Variants in SNRPA observed in about 807,000 individuals in gnomAD.
The protein encoded by SNRPA is small nuclear ribonucleoprotein polypeptide A.
In SNRPA, 10 loss-of-function variants were observed where a neutral mutation model predicts 24.5. The ratio of observed to expected loss-of-function variants is 0.41; its 90% confidence interval spans 0.25 to 0.69. The LOEUF (loss-of-function observed/expected upper bound fraction) is 0.69, where lower values mean the gene tolerates loss of function less well. SNRPA is among the 30% of genes least tolerant of loss of function. The probability of loss-of-function intolerance (pLI) is 0.33; values close to 1 mark genes in which losing one functional copy is unlikely to be tolerated. For synonymous variants in SNRPA, 165 were observed against 148.4 expected (o/e 1.11, Z -0.81); for missense variants, 283 against 394.7 (o/e 0.72, Z 2.40).
chr19:40,764,589 G>T (rs1211797022), intron 5 of SNRPA, among the ~76,000 whole-genome samples: 1 of 152,184 alleles, frequency 6.6e-6, no homozygotes, highest in Non-Finnish European at 1.5e-5. Flanking sequence ...TATGTTGGGA[G>T]GCTGAGGCAG....
intron 2 of SNRPA, among the ~76,000 whole-genome samples, chr19:40,759,204 CAAA>C (rs77152560): frequency 3.2e-5 from 3 of 93,178 alleles, no homozygotes; most frequent in Non-Finnish European, 4.3e-5. Context: ...GACAATGTCT[CAAA>C]AAAAAAAAAA....
chr19:40,759,253 T>C (rs2082921150), intron 2 of SNRPA, among the ~76,000 whole-genome samples, 178 bp from the exon 3 acceptor site: 1 of 151,128 alleles, frequency 6.6e-6, no homozygotes, highest in Non-Finnish European at 1.5e-5. Flanking sequence ...TTTTGCCATG[T>C]TGGCCAAGCT....
chr19:40,758,169 G>A (rs1003536802), intron 2 of SNRPA, among the ~76,000 whole-genome samples: 5 of 151,692 alleles, frequency 3.3e-5, no homozygotes, highest in Admixed American at 6.6e-5. Flanking sequence ...GTTTCGCCAT[G>A]TTGCCCAGGC....
chr19:40,753,703 T>C (rs1438442912), intron 1 of SNRPA, among the ~76,000 whole-genome samples: 1 of 151,732 alleles, frequency 6.6e-6, no homozygotes, highest in Non-Finnish European at 1.5e-5. Context: ...GGCCTGCATA[T>C]GTTTTTAGAG....
Position 40,765,340 on chromosome 19 carries a change from C to T in SNRPA, c.*173C>T, listed in dbSNP as rs913682783. ...GTCTGTCCCCAGACATTGCACCTGG[C>T]GCTGTTAGGCCGGAATTAAAGTGGC... On this transcript the variant is annotated 3_prime_UTR_variant, in exon 6 of 6. Coordinates refer to ENST00000243563, the MANE Select transcript of SNRPA (RefSeq NM_004596.5). 34 of 393,316 alleles carry T rather than the reference C, an allele frequency of 8.6e-5. No individual in the cohort carries two copies. Among genetic ancestry groups the T allele is most frequent in the East Asian group, 6.3e-4 (17 of 26,904 alleles). 24.4% of individuals were successfully genotyped at this position (393,316 alleles called of 1,614,324 possible). A position where few individuals can be genotyped will look rare whatever the true frequency, so the allele number is the denominator to read the frequency against.
rs559147775 is a variant in SNRPA at position 40,754,927 on chromosome 19, G to C, written c.74-2405G>C. Among the ~76,000 whole-genome samples, 48 of 152,204 alleles carry C rather than the reference G, an allele frequency of 3.2e-4. No individual in the cohort carries two copies. The South Asian group carries it at 1.0e-2, about 32-fold the overall frequency. The stretch of plus-strand genomic sequence containing the variant: ...AGCAAGATTCATGGGGATGGAGTAC[G>C]GAGAGGAAAACCAGAAATGTCACCA... On this transcript the variant is annotated intron_variant, in intron 1 of 5. Coordinates refer to ENST00000243563, the MANE Select transcript of SNRPA (RefSeq NM_004596.5).
chr19:40,757,228 C>G, intron 1 of SNRPA, 104 bp from the exon 2 acceptor site: 1 of 1,091,670 alleles, frequency 9.2e-7, no homozygotes, highest in Non-Finnish European at 1.3e-6. Context: ...AGATTATGGA[C>G]CCGAGGCATT....
In SNRPA at chr19:40,765,330, T is replaced by C. The variant is rs1251933720; in HGVS notation, c.*163T>C. 1 of 409,602 alleles carries C rather than the reference T, an allele frequency of 2.4e-6. No individual in the cohort carries two copies. The highest frequency in any genetic ancestry group is 3.6e-5 in the East Asian group (1 of 27,408). The allele number at this position is 409,602 out of a possible 1,614,324, so 25.4% of individuals were successfully genotyped here. A position where few individuals can be genotyped will look rare whatever the true frequency, so the allele number is the denominator to read the frequency against. ...TGTACCCAGAGTCTGTCCCCAGACA[T>C]TGCACCTGGCGCTGTTAGGCCGGAA... On this transcript the variant is annotated 3_prime_UTR_variant, in exon 6 of 6. Transcript: ENST00000243563.
chr19:40,760,974 C>T lies in SNRPA; in HGVS notation c.426+1364C>T, dbSNP rs867138309. 6.0e-5 allele frequency among the ~76,000 whole-genome samples: 9 copies of T among 151,032 alleles called. No individual in the cohort carries two copies. In the South Asian group the frequency reaches 6.3e-4, roughly 11 times the overall value. On this transcript the variant is annotated intron_variant, in intron 3 of 5. Coordinates refer to ENST00000243563, the MANE Select transcript of SNRPA (RefSeq NM_004596.5). ...TGTTTTGTTTTCTTTTGTTTTTTTTCGGGAGGGAGTCTCAGTCAATCTGTC... is the reference window on the plus strand; with the variant it reads ...TGTTTTGTTTTCTTTTGTTTTTTTTTGGGAGGGAGTCTCAGTCAATCTGTC...
rs745592313 is a variant in SNRPA, at chr19:40,757,508, A to G, written c.246+4A>G. On this transcript the variant is annotated splice_donor_region_variant and intron_variant, in intron 2 of 5. Transcript: ENST00000243563. ...CCCTTTCTATGACAAACCTATGGTG[A>G]GCATTGCGGGTACGGAGGCTGTGTG... The G allele has an allele frequency of 5.0e-6, 8 of 1,606,484 alleles. No homozygotes were observed. The highest frequency in any genetic ancestry group is 6.8e-6 in the Non-Finnish European group (8 of 1,176,214).
intron 5 of SNRPA, among the ~76,000 whole-genome samples, chr19:40,764,392 T>C (rs375614137): frequency 3.3e-5 from 5 of 152,254 alleles, no homozygotes; most frequent in Non-Finnish European, 7.4e-5. Context: ...CAATACCACA[T>C]GTGCAGCCTG....
At chr19:40,752,603 A>AG in intron 1 of SNRPA, among the ~76,000 whole-genome samples, 1 of 111,698 alleles carries the variant, frequency 9.0e-6, no homozygotes, top group Non-Finnish European at 1.9e-5. Flanking sequence ...AAAAAAAAAA[A>AG]GGCTGGGCGT....
chr19:40,760,665 C>G (rs1006919905), intron 3 of SNRPA, among the ~76,000 whole-genome samples: 1 of 152,082 alleles, frequency 6.6e-6, no homozygotes, highest in Admixed American at 6.6e-5. Context: ...CAGGCCAGGC[C>G]CAATGGCTCA....
intron 1 of SNRPA, among the ~76,000 whole-genome samples, chr19:40,756,158 C>G (rs1347779648): frequency 6.6e-6 from 1 of 151,574 alleles, no homozygotes; most frequent in East Asian, 1.9e-4. Flanking sequence ...GGTCCCAGCT[C>G]CTTGGGAGGC....
At chr19:40,753,400 T>G (rs1477577777) in intron 1 of SNRPA, among the ~76,000 whole-genome samples, 4 of 123,796 alleles carry the variant, frequency 3.2e-5, no homozygotes, top group East Asian at 4.8e-4. Flanking sequence ...TTTTTTTTTT[T>G]TTTTTTTTTT....
At chr19:40,752,194 G>A (rs1237892004) in intron 1 of SNRPA, among the ~76,000 whole-genome samples, 1 of 151,884 alleles carries the variant, frequency 6.6e-6, no homozygotes, top group African/African-American at 2.4e-5. Flanking sequence ...AAAATTAGCC[G>A]GGCATGGTGG....
At chr19:40,755,764 C>T (rs1003250567) in intron 1 of SNRPA, among the ~76,000 whole-genome samples, 2 of 152,204 alleles carry the variant, frequency 1.3e-5, no homozygotes, top group Non-Finnish European at 1.5e-5. Flanking sequence ...GCTTGAATCT[C>T]ACTTGCTGTC....
In SNRPA at chr19:40,757,224, T is replaced by C. The variant is rs2082912153; in HGVS notation, c.74-108T>C. ...GTGATTGTTAGGTCTTGAGAGATTA[T>C]GGACCCGAGGCATTCTGGGTACCCC... On this transcript the variant is annotated intron_variant, in intron 1 of 5. Transcript: ENST00000243563. The C allele has an allele frequency of 2.9e-6, 3 of 1,035,982 alleles. 1 individual carries two copies. In the South Asian group the frequency reaches 4.3e-5, roughly 15 times the overall value. The allele number at this position is 1,035,982 out of a possible 1,614,324, so 64.2% of individuals were successfully genotyped here. A position where few individuals can be genotyped will look rare whatever the true frequency, so the allele number is the denominator to read the frequency against.
At chr19:40,761,976 G>C (rs894940312) in intron 3 of SNRPA, among the ~76,000 whole-genome samples, 1 of 152,142 alleles carries the variant, frequency 6.6e-6, no homozygotes, top group African/African-American at 2.4e-5. Flanking sequence ...ACTGGGTCAT[G>C]CTCTATTCGG....
Sources: allele counts gnomAD v4.1 joint callset (sites outside exome capture counted in the v4.1 genomes callset), GRCh38; gene constraint gnomAD v4.1.1; transcripts MANE v1.5; gene names NCBI Gene and HGNC (gene_info 2026-07-23, HGNC 2026-07-21).